Variants in PSG11 observed in about 807,000 individuals in gnomAD.
The protein encoded by PSG11 is pregnancy-specific beta-1-glycoprotein 11.
Under a neutral mutation model 36.0 loss-of-function variants are expected in PSG11, and 42 were observed. The observed-to-expected ratio is 1.17, with a 90% confidence interval of 0.91 to 1.51. The LOEUF (loss-of-function observed/expected upper bound fraction) is 1.51, where lower values mean the gene tolerates loss of function less well. Among genes scored for constraint, PSG11 ranks in the 40% most tolerant of loss-of-function variants. PSG11 has a pLI of 0.00. For missense variants in PSG11, 558 were observed against 403.5 expected (o/e 1.38, Z -3.28); for synonymous variants, 206 against 153.5 (o/e 1.34, Z -2.53).
intron 4 of PSG11, 82 bp downstream of exon 4, chr19:43,015,034 A>C (rs1966922741): frequency 2.5e-6 from 4 of 1,607,726 alleles, no homozygotes; most frequent in Admixed American, 1.7e-5. Context: ...GCTGGGAATA[A>C]AAATGTTTTC....
At chr19:43,018,711 C>T (rs147913155) in intron 3 of PSG11, 59 bp downstream of exon 3, 27 of 1,611,502 alleles carry the variant, frequency 1.7e-5, no homozygotes. Flanking sequence ...GAGGCCTGGC[C>T]TCTGGCCATG....
chr19:43,024,708 A>G lies in PSG11; in HGVS notation c.413T>C (p.Phe138Ser), dbSNP rs375983000. The G allele has an allele frequency of 6.2e-7, 1 of 1,610,798 alleles. No individual in the cohort carries two copies. The highest frequency in any genetic ancestry group is 8.5e-7 in the Non-Finnish European group (1 of 1,178,544). ...TCACTTACGGTATAAGGTGAAGGTG[A>G]AATATCCAGTTACTCCTCTAGTCCC... ...GDGTRGVTGY[F>S]TFTLYLETPK... is the part of the protein sequence containing the mutation. The change falls in exon 2 of 6, where the codon TTC becomes TCC. Residue 138 changes from phenylalanine to serine, a missense_variant. By Grantham distance (155) the Phe-to-Ser change is radical (BLOSUM62 -2). Coordinates refer to ENST00000320078, the MANE Select transcript of PSG11 (RefSeq NM_002785.3).
chr19:43,022,509 G>T (rs1967125651), intron 2 of PSG11, among the ~76,000 whole-genome samples: 1 of 151,354 alleles, frequency 6.6e-6, no homozygotes, highest in Admixed American at 6.6e-5. Context: ...TGGGGAGGCT[G>T]ATTTCAGTAA....
Position 43,007,717 on chromosome 19 carries a change from T to C in PSG11, c.*366A>G, listed in dbSNP as rs1973964770. On this transcript the variant is annotated 3_prime_UTR_variant, in exon 6 of 6. Transcript: ENST00000320078. ...TGAATATTCATGAATAGATTCCCAA[T>C]TCTGGGGCACTCAGAGAGCAAAAGC... 5.2e-6 allele frequency: 1 copy of C among 193,554 alleles called. No homozygotes were observed. Among genetic ancestry groups the C allele is most frequent in the Non-Finnish European group, 1.1e-5 (1 of 93,990 alleles). The allele number at this position is 193,554 out of a possible 1,614,324, so 12.0% of individuals were successfully genotyped here.
intron 2 of PSG11, chr19:43,019,299 A>T (rs996766835): frequency 1.3e-6 from 1 of 793,790 alleles, no homozygotes; most frequent in African/African-American, 1.8e-5. Context: ...GGTCATGGAA[A>T]GACACAGGAC....
intron 1 of PSG11, 178 bp from the exon 2 acceptor site, chr19:43,025,234 A>T (rs898268331): frequency 8.7e-7 from 1 of 1,149,112 alleles, no homozygotes; most frequent in Non-Finnish European, 1.2e-6. Context: ...GTGTATGTGT[A>T]TGTGTGTGTG....
At chr19:43,008,444 G>A (rs1488815848) in intron 5 of PSG11, among the ~76,000 whole-genome samples, 1 of 150,654 alleles carries the variant, frequency 6.6e-6, no homozygotes, top group African/African-American at 2.5e-5. Context: ...AGCTAATTTT[G>A]TTTTTGCGTT....
At chr19:43,014,703 A>G in intron 4 of PSG11, 1 of 1,195,028 alleles carries the variant, frequency 8.4e-7, no homozygotes, top group East Asian at 3.4e-5. Context: ...ATTTGGGGGA[A>G]AAGTGTGAGC....
At chr19:43,020,970 A>G (rs1444302843) in intron 2 of PSG11, among the ~76,000 whole-genome samples, 1 of 151,328 alleles carries the variant, frequency 6.6e-6, no homozygotes, top group East Asian at 1.9e-4. Flanking sequence ...CCAATGGCTC[A>G]TGTGTCTCCC....
chr19:43,009,513 C>A (rs952950729), intron 5 of PSG11, among the ~76,000 whole-genome samples: 1 of 151,170 alleles, frequency 6.6e-6, no homozygotes, highest in Non-Finnish European at 1.5e-5. Flanking sequence ...CTAGTGTATA[C>A]CCCTGGAGAT....
Position 43,011,950 on chromosome 19 carries a change from A to C in PSG11, c.965-1909T>G, listed in dbSNP as rs549746384. On this transcript the variant is annotated intron_variant, in intron 4 of 5. Transcript: ENST00000320078. Reference sequence around the variant, plus strand: ...AATGAAGCGATTACTACCAATTATAATAAAATAATGATTATGAAAGTACTA... The same window carrying C: ...AATGAAGCGATTACTACCAATTATACTAAAATAATGATTATGAAAGTACTA... 1.1e-4 allele frequency among the ~76,000 whole-genome samples: 17 copies of C among 151,172 alleles called. 1 individual carries two copies. The East Asian group carries it at 2.1e-3, about 19-fold the overall frequency.
Position 43,024,979 on chromosome 19 carries a change from C to T in PSG11, c.142G>A (p.Gly48Arg), listed in dbSNP as rs1384215387. 2 of 1,611,492 alleles carry T rather than the reference C, an allele frequency of 1.2e-6. No homozygotes were observed. The highest frequency in any genetic ancestry group is 8.5e-7 in the Non-Finnish European group (1 of 1,178,832). The change falls in exon 2 of 6, where the codon GGG (glycine) becomes AGG (arginine). Residue 48 changes from glycine (G) to arginine (R), a missense_variant. Transcript: ENST00000320078. ...TGGACAAGTAGAAGAACATCCTTCC[C>T]CTCGGACACTTTGGGTGGCTGGGCT... is the stretch of plus-strand genomic sequence containing the variant. Reference protein sequence around the residue: ...IEAQPPKVSEGKDVLLLVHNL... With the variant: ...IEAQPPKVSERKDVLLLVHNL...
chr19:43,010,373 T>A, intron 4 of PSG11: 2 of 1,535,870 alleles, frequency 1.3e-6, no homozygotes, highest in Non-Finnish European at 1.7e-6. Flanking sequence ...TTTTTCTCAG[T>A]GTCTCTGTTG....
In PSG11 at chr19:43,024,826, C is replaced by T; in HGVS notation, c.295G>A (p.Glu99Lys). 6.2e-7 allele frequency: 1 copy of T among 1,611,988 alleles called. No homozygotes were observed. The highest frequency in any genetic ancestry group is 8.5e-7 in the Non-Finnish European group (1 of 1,179,108). Residue 99 changes from glutamate to lysine, a missense_variant, in exon 2 of 6, where the codon GAA (glutamate) becomes AAA (lysine). Physicochemically the swap from Glu to Lys is moderately conservative, Grantham distance 56. Transcript: ENST00000320078. ...AGGGATGCATTGGAATATACTGTTTCTCGTCCACTGTATGCCGGTCCATAT... is the reference window on the plus strand; with the variant it reads ...AGGGATGCATTGGAATATACTGTTTTTCGTCCACTGTATGCCGGTCCATAT... ...IIYGPAYSGRETVYSNASLLI... is the reference protein window; with the variant it reads ...IIYGPAYSGRKTVYSNASLLI...
Position 43,025,280 on chromosome 19 carries a change from A to AC in PSG11, c.65-225dup, listed in dbSNP as rs540217530. 4.3e-4 allele frequency: 350 copies of AC among 815,922 alleles called. 3 individuals are homozygous for AC. Among genetic ancestry groups the AC allele is most frequent in the Admixed American group, 6.7e-4 (21 of 31,558 alleles). 50.5% of individuals were successfully genotyped at this position (815,922 alleles called of 1,614,324 possible). On this transcript the variant is annotated intron_variant, in intron 1 of 5. Coordinates refer to ENST00000320078, the MANE Select transcript of PSG11 (RefSeq NM_002785.3). Reference sequence around the variant, plus strand: ...CTACTAGGTCAAGGTCAGCAGCATGACCCCCATTCCTTCAACACTTCTGAC... The same window carrying AC: ...CTACTAGGTCAAGGTCAGCAGCATGACCCCCCATTCCTTCAACACTTCTGAC...
intron 3 of PSG11, 75 bp from the exon 4 acceptor site, chr19:43,015,445 C>T (rs1966938275): frequency 1.3e-6 from 2 of 1,503,416 alleles, no homozygotes; most frequent in Admixed American, 1.9e-5. Flanking sequence ...TAAAGGGACA[C>T]AGTGACCCTC....
Position 43,015,290 on chromosome 19 carries a change from T to G in PSG11, c.790A>C (p.Asn264His), listed in dbSNP as rs10414166. The change falls in exon 4 of 6, where the codon AAC (asparagine) becomes CAC (histidine). Residue 264 changes from asparagine (N) to histidine (H), a missense_variant. Physicochemically the swap from Asn to His is moderately conservative, Grantham distance 68. Coordinates refer to ENST00000320078, the MANE Select transcript of PSG11 (RefSeq NM_002785.3). ...GENLDLSCFA[N>H]SNPPAQYSWT... ...GAATACTGTGCTGGTGGGTTAGAGT[T>G]TGCGAAGCAGGACAAGTCGAGGTTC... is the stretch of plus-strand genomic sequence containing the variant. 2 of 1,610,698 alleles carry G rather than the reference T, an allele frequency of 1.2e-6. 1 individual carries two copies.
intron 2 of PSG11, among the ~76,000 whole-genome samples, chr19:43,021,826 A>G (rs1018254641): frequency 4.0e-5 from 6 of 151,408 alleles, no homozygotes; most frequent in African/African-American, 1.5e-4. Context: ...TGAGTGAAAC[A>G]GGTGAAATGA....
Position 43,010,019 on chromosome 19 carries a change from A to T in PSG11, c.987T>A (p.Phe329Leu). ...GCTGCTACGTTGGATTATTGAAAGC[A>T]AAAGTTCCTAATCCTGGAGGAGCTG... ...RVIAPPGLGT[F>L]AFNNPT is the part of the protein sequence containing the mutation. The change falls in exon 5 of 6, where the codon TTT becomes TTA. Residue 329 changes from phenylalanine to leucine, a missense_variant. Transcript: ENST00000320078. 1 of 1,609,966 alleles carries T rather than the reference A, an allele frequency of 6.2e-7. No homozygotes were observed. The highest frequency in any genetic ancestry group is 8.5e-7 in the Non-Finnish European group (1 of 1,177,296).
Sources: gnomAD v4.1 joint callset for allele counts (sites outside exome capture counted in the v4.1 genomes callset) on GRCh38, gnomAD v4.1.1 for gene constraint, MANE v1.5 for transcripts, NCBI Gene and HGNC (gene_info 2026-07-23, HGNC 2026-07-21) for gene names.